The following CNOT7 variants were observed in gnomAD, a reference collection of about 807,000 sequenced individuals.
CNOT7 encodes BTG1-binding factor 1.
In CNOT7, 4 loss-of-function variants were observed where a neutral mutation model predicts 37.1. That is an observed-to-expected ratio of 0.11 (90% CI 0.05 to 0.25). The LOEUF is 0.25. CNOT7 is among the 10% of genes least tolerant of loss of function. CNOT7 has a pLI of 1.00. For synonymous variants in CNOT7, 128 were observed against 115.6 expected, an observed-to-expected ratio of 1.11 and a Z score of -0.69; for missense variants, 170 against 336.2, an observed-to-expected ratio of 0.51 and a Z score of 3.87.
intron 2 of CNOT7, chr8:17,244,673 A>ATC (rs1291154842): frequency 5.8e-6 from 1 of 172,326 alleles, no homozygotes; most frequent in Non-Finnish European, 1.2e-5. Context: ...ACTTAGTAAG[A>ATC]TACCCAATCA....
chr8:17,233,202 A>G (rs1175017856), intron 5 of CNOT7, among the ~76,000 whole-genome samples: 1 of 152,192 alleles, frequency 6.6e-6, no homozygotes, highest in African/African-American at 2.4e-5. Context: ...AAGGAGAGTA[A>G]AGGGAGGGGA....
At position 17,230,047 on chromosome 8, in the gene CNOT7, A is replaced by AACTG. The variant is rs1271292410; in HGVS notation, c.*669_*672dup. On this transcript the variant is annotated 3_prime_UTR_variant, in exon 7 of 7. Transcript: ENST00000361272. ...GAGCAGCCTACACATGCCAATTAGA[A>AACTG]ACTGACAGACACTAGATGTGCTTGG... The AACTG allele has an allele frequency of 6.6e-6, 1 of 152,348 alleles. No homozygotes were observed. The allele number at this position is 152,348 out of a possible 1,614,324, so 9.4% of individuals were successfully genotyped here.
At chr8:17,240,562 T>C (rs1475401831) in intron 3 of CNOT7, among the ~76,000 whole-genome samples, 1 of 152,194 alleles carries the variant, frequency 6.6e-6, no homozygotes, top group Non-Finnish European at 1.5e-5. Flanking sequence ...AGAAAGCAGT[T>C]GTTACTCGAA....
At chr8:17,236,862 G>C (rs893874786) in intron 4 of CNOT7, among the ~76,000 whole-genome samples, 1 of 152,152 alleles carries the variant, frequency 6.6e-6, no homozygotes, top group African/African-American at 2.4e-5. Flanking sequence ...TAAGTGAATG[G>C]TTTCCCCCGT....
At position 17,231,851 on chromosome 8, in the gene CNOT7, G is replaced by A. The variant is rs962353996; in HGVS notation, c.729+576C>T. The A allele has an allele frequency of 1.2e-5, 12 of 985,672 alleles. No homozygotes were observed. The African/African-American group carries it at 2.1e-4, about 17-fold the overall frequency. The allele number at this position is 985,672 out of a possible 1,614,324, so 61.1% of individuals were successfully genotyped here. A position where few individuals can be genotyped will look rare whatever the true frequency, so the allele number is the denominator to read the frequency against. ...GGAGGGTTTTCCTAATATGGTTTCTGATGCAACTACTACGTTGGATTTATT... is the reference window on the plus strand; with the variant it reads ...GGAGGGTTTTCCTAATATGGTTTCTAATGCAACTACTACGTTGGATTTATT... On this transcript the variant is annotated intron_variant, in intron 6 of 6. Coordinates refer to ENST00000361272, the MANE Select transcript of CNOT7 (RefSeq NM_013354.7).
intron 3 of CNOT7, among the ~76,000 whole-genome samples, chr8:17,239,065 G>C (rs774588980): frequency 1.3e-5 from 2 of 152,150 alleles, no homozygotes; most frequent in Non-Finnish European, 2.9e-5. Flanking sequence ...TGTTGATTCT[G>C]CTTTCCCTTC....
chr8:17,239,970 T>C (rs1236681979), intron 3 of CNOT7, among the ~76,000 whole-genome samples: 1 of 152,198 alleles, frequency 6.6e-6, no homozygotes, highest in Non-Finnish European at 1.5e-5. Context: ...TTCTTAGACT[T>C]AGGCAATAGA....
rs538837810 is a variant in CNOT7 at position 17,241,275 on chromosome 8, A to C, written c.311+1717T>G. On this transcript the variant is annotated intron_variant, in intron 3 of 6. Coordinates refer to ENST00000361272, the MANE Select transcript of CNOT7 (RefSeq NM_013354.7). Reference sequence around the variant, plus strand: ...CAGCCACCATGCCTGGCTTAGTTTCATTTTTTTTTTTTTTTTTTGTAGAGA... The same window carrying C: ...CAGCCACCATGCCTGGCTTAGTTTCCTTTTTTTTTTTTTTTTTTGTAGAGA... 3.7e-4 allele frequency: 49 copies of C among 130,732 alleles called. 1 individual carries two copies. Among genetic ancestry groups the C allele is most frequent in the African/African-American group, 1.2e-3 (43 of 34,464 alleles). The allele number at this position is 130,732 out of a possible 1,614,324, so 8.1% of individuals were successfully genotyped here.
Position 17,237,194 on chromosome 8 carries a change from T to G in CNOT7, c.473+18A>C, listed in dbSNP as rs751908158. The G allele has an allele frequency of 6.2e-7, 1 of 1,610,600 alleles. No homozygotes were observed. The highest frequency in any genetic ancestry group is 8.5e-7 in the Non-Finnish European group (1 of 1,178,084). ...TGAGATGGAAAAACAAATGCCATTT[T>G]CAATGTAGTCGTTTTACCTATGAAA... On this transcript the variant is annotated intron_variant, in intron 4 of 6. Transcript: ENST00000361272.
intron 3 of CNOT7, among the ~76,000 whole-genome samples, chr8:17,238,905 G>A (rs1020430327): frequency 6.6e-6 from 1 of 152,140 alleles, no homozygotes; most frequent in African/African-American, 2.4e-5. Context: ...AAAGCTAATT[G>A]CTACCAATGC....
At chr8:17,245,523 T>A (rs906743642) in intron 1 of CNOT7, among the ~76,000 whole-genome samples, 1 of 152,198 alleles carries the variant, frequency 6.6e-6, no homozygotes, top group African/African-American at 2.4e-5. Flanking sequence ...TAATTATTTA[T>A]CTGAGTTCAA....
Position 17,234,799 on chromosome 8 carries a change from G to C in CNOT7, c.535C>G (p.Leu179Val), listed in dbSNP as rs1422081084. The change falls in exon 5 of 7, where the codon CTT becomes GTT. Residue 179 changes from leucine (L) to valine (V), a missense_variant. Leu to Val is a conservative substitution (Grantham distance 32). Transcript: ENST00000361272. ...LTNSNLPEEELDFFEILRLFF... is the reference protein window; with the variant it reads ...LTNSNLPEEEVDFFEILRLFF... ...AATCGAAGGATCTCAAAGAAGTCAA[G>C]TTCTTCTTCAGGCAAGTTAGAGTTG... 2.1e-5 allele frequency: 34 copies of C among 1,613,522 alleles called. No homozygotes were observed. The highest frequency in any genetic ancestry group is 2.9e-5 in the Non-Finnish European group (34 of 1,179,608).
At chr8:17,244,048 A>G (rs1336835593) in intron 2 of CNOT7, among the ~76,000 whole-genome samples, 1 of 152,186 alleles carries the variant, frequency 6.6e-6, no homozygotes, top group African/African-American at 2.4e-5. Flanking sequence ...AGAAATCAAT[A>G]TTTCTCTAAA....
chr8:17,234,978 A>G (rs1326666190), intron 4 of CNOT7, 118 bp from the exon 5 acceptor site: 2 of 765,494 alleles, frequency 2.6e-6, no homozygotes, highest in Non-Finnish European at 4.1e-6. Context: ...CAAAAACATT[A>G]AAGAGAAGTG....
intron 3 of CNOT7, chr8:17,242,342 A>G (rs996089172): frequency 3.9e-5 from 6 of 152,216 alleles, no homozygotes; most frequent in African/African-American, 1.4e-4. Flanking sequence ...AACATCTAAA[A>G]CTTCCCTTAG....
intron 5 of CNOT7, 45 bp downstream of exon 5, chr8:17,234,671 G>A (rs1277715999): frequency 1.2e-6 from 2 of 1,603,964 alleles, no homozygotes; most frequent in African/African-American, 2.7e-5. Flanking sequence ...CAGTCACTTG[G>A]TCTGAACAGT....
chr8:17,232,398 C>CT, intron 6 of CNOT7, 29 bp downstream of exon 6: 2 of 1,613,124 alleles, frequency 1.2e-6, no homozygotes, highest in Non-Finnish European at 1.7e-6. Flanking sequence ...TAACAACCAA[C>CT]TGAGAAAAAG....
intron 2 of CNOT7, among the ~76,000 whole-genome samples, chr8:17,243,783 T>C (rs1810509553): frequency 6.6e-6 from 1 of 152,218 alleles, no homozygotes; most frequent in Non-Finnish European, 1.5e-5. Flanking sequence ...GAGAAATCAA[T>C]GATCACTATG....
At chr8:17,240,787 T>C (rs1258150825) in intron 3 of CNOT7, among the ~76,000 whole-genome samples, 1 of 152,206 alleles carries the variant, frequency 6.6e-6, no homozygotes, top group East Asian at 1.9e-4. Flanking sequence ...GAGGCAATTT[T>C]CAGTGTTTCA....
Sources: allele counts gnomAD v4.1 joint callset (sites outside exome capture counted in the v4.1 genomes callset), GRCh38; gene constraint gnomAD v4.1.1; transcripts MANE v1.5; gene names NCBI Gene and HGNC (gene_info 2026-07-23, HGNC 2026-07-21).